The following HS3ST3A1 variants were observed in gnomAD, a reference collection of about 807,000 sequenced individuals.
HS3ST3A1 encodes heparan sulfate glucosamine 3-O-sulfotransferase 3A1.
In HS3ST3A1, 19 loss-of-function variants were observed where a neutral mutation model predicts 25.7. The ratio of observed to expected loss-of-function variants is 0.74; its 90% CI spans 0.52 to 1.08. The LOEUF is 1.08. Among genes scored for constraint, HS3ST3A1 ranks in the 50% least tolerant of loss-of-function variants. The probability of loss-of-function intolerance (pLI) is 0.00; values close to 1 mark genes in which losing one functional copy is unlikely to be tolerated. For missense variants in HS3ST3A1, 459 were observed against 594.3 expected (o/e 0.77, Z 2.37); for synonymous variants, 226 against 278.6 (o/e 0.81, Z 1.88).
intron 1 of HS3ST3A1, among the ~76,000 whole-genome samples, chr17:13,560,185 G>A (rs541253388): frequency 2.7e-5 from 4 of 148,564 alleles, no homozygotes; most frequent in African/African-American, 7.4e-5. Context: ...AGCTACTCGC[G>A]AGGCTGAGGC....
At chr17:13,532,082 G>A (rs976818368) in intron 1 of HS3ST3A1, among the ~76,000 whole-genome samples, 2 of 152,136 alleles carry the variant, frequency 1.3e-5, no homozygotes, top group Non-Finnish European at 2.9e-5. Flanking sequence ...TCAAAATCAA[G>A]GCTCTTTGCA....
intron 1 of HS3ST3A1, among the ~76,000 whole-genome samples, chr17:13,506,507 G>C (rs1905681048): frequency 6.6e-6 from 1 of 152,134 alleles, no homozygotes; most frequent in South Asian, 2.1e-4. Flanking sequence ...ATTACACAGA[G>C]CAATTCTGCA....
intron 1 of HS3ST3A1, among the ~76,000 whole-genome samples, chr17:13,578,026 A>G (rs1163349801): frequency 1.3e-5 from 2 of 152,206 alleles, no homozygotes; most frequent in East Asian, 1.9e-4. Flanking sequence ...AAAAATGCAT[A>G]TATCACTTTA....
At position 13,600,744 on chromosome 17, in the gene HS3ST3A1, G is replaced by A. The variant is rs1908704299; in HGVS notation, c.386C>T (p.Ala129Val). Reference protein sequence around the residue: ...GLSGGPGGSGAGSTVAEAPPG... With the variant: ...GLSGGPGGSGVGSTVAEAPPG... ...CGGGGCCTCGGCCACGGTGCTTCCG[G>A]CCCCGGAGCCGCCCGGACCCCCTGA... is the stretch of plus-strand genomic sequence containing the variant. Residue 129 changes from alanine (A) to valine (V), a missense_variant, in exon 1 of 2, where the codon GCC becomes GTC. Ala to Val is a moderately conservative substitution (Grantham distance 64). Coordinates refer to ENST00000284110, the MANE Select transcript of HS3ST3A1 (RefSeq NM_006042.3). 6 of 1,526,370 alleles carry A rather than the reference G, an allele frequency of 3.9e-6. No individual in the cohort carries two copies. The African/African-American group carries it at 4.2e-5, about 11-fold the overall frequency. 94.6% of individuals were successfully genotyped at this position (1,526,370 alleles called of 1,614,324 possible).
At chr17:13,504,081 G>A (rs191101172) in intron 1 of HS3ST3A1, among the ~76,000 whole-genome samples, 17 of 152,228 alleles carry the variant, frequency 1.1e-4, no homozygotes, top group Middle Eastern at 3.4e-3. Flanking sequence ...TTGGGAGGCC[G>A]CAGTGGGTGG....
chr17:13,578,324 G>T (rs1907999902), intron 1 of HS3ST3A1, among the ~76,000 whole-genome samples: 1 of 149,262 alleles, frequency 6.7e-6, no homozygotes, highest in African/African-American at 2.5e-5. Flanking sequence ...GAGGTGGGCG[G>T]ATCACCTGAG....
intron 1 of HS3ST3A1, among the ~76,000 whole-genome samples, chr17:13,505,663 A>G (rs770157470): frequency 1.3e-5 from 2 of 152,004 alleles, no homozygotes; most frequent in Non-Finnish European, 2.9e-5. Flanking sequence ...AAAAGGCGGA[A>G]AAGAATAAAA....
chr17:13,584,455 A>AAGGG (rs1908195157), intron 1 of HS3ST3A1, among the ~76,000 whole-genome samples: 1 of 142,044 alleles, frequency 7.0e-6, no homozygotes. Context: ...GAGAGAGAGG[A>AAGGG]AGGAAGGAAG....
intron 1 of HS3ST3A1, among the ~76,000 whole-genome samples, chr17:13,510,852 C>T (rs577451306): frequency 1.3e-5 from 2 of 152,242 alleles, no homozygotes; most frequent in Admixed American, 1.3e-4. Flanking sequence ...TTACAGGCAC[C>T]CACCACCATG....
At chr17:13,590,996 A>G (rs1325761322) in intron 1 of HS3ST3A1, among the ~76,000 whole-genome samples, 2 of 151,292 alleles carry the variant, frequency 1.3e-5, no homozygotes, top group East Asian at 3.9e-4. Context: ...CCTTGCTCCA[A>G]TTCCAGATTC....
intron 1 of HS3ST3A1, among the ~76,000 whole-genome samples, chr17:13,500,513 T>A (rs150672170): frequency 6.6e-6 from 1 of 152,112 alleles, no homozygotes; most frequent in Non-Finnish European, 1.5e-5. Context: ...TCACGTGAGG[T>A]TTGCCTGAAG....
intron 1 of HS3ST3A1, among the ~76,000 whole-genome samples, chr17:13,500,414 G>A (rs1905432461): frequency 6.6e-6 from 1 of 152,188 alleles, no homozygotes; most frequent in Admixed American, 6.5e-5. Context: ...GGCCCGGGAT[G>A]GGTAGTGAAA....
chr17:13,585,840 G>GTTCTTTTTTTTTTTTTTTTTTTT (rs1395569900), intron 1 of HS3ST3A1, among the ~76,000 whole-genome samples: 1 of 62,024 alleles, frequency 1.6e-5, no homozygotes. Context: ...CTCCTTCTGC[G>GTTCTTTTTTTTTTTTTTTTTTTT]TTTTTTTTTT....
At chr17:13,511,737 C>T (rs60571298) in intron 1 of HS3ST3A1, among the ~76,000 whole-genome samples, 1 of 150,976 alleles carries the variant, frequency 6.6e-6, no homozygotes, top group African/African-American at 2.4e-5. Flanking sequence ...GAATGGAGAA[C>T]AGTTCTAACT....
chr17:13,600,884 C>T lies in HS3ST3A1; in HGVS notation c.246G>A (p.Pro82=), dbSNP rs1908712689. 6.8e-7 allele frequency: 1 copy of T among 1,475,920 alleles called. No homozygotes were observed. Among genetic ancestry groups the T allele is most frequent in the Non-Finnish European group, 8.9e-7 (1 of 1,120,890 alleles). The allele number at this position is 1,475,920 out of a possible 1,614,324, so 91.4% of individuals were successfully genotyped here. The change falls in exon 1 of 2, where the codon CCG becomes CCA. Residue 82 remains proline, a synonymous_variant. Coordinates refer to ENST00000284110, the MANE Select transcript of HS3ST3A1 (RefSeq NM_006042.3). ...AGGPRELAVW[P]AAAQRKRLLQ... The stretch of plus-strand genomic sequence containing the variant: ...GGAGGCGCTTTCTCTGTGCCGCCGC[C>T]GGCCACACCGCCAGCTCCCTCGGGC...
At chr17:13,590,192 C>T (rs1378769769) in intron 1 of HS3ST3A1, among the ~76,000 whole-genome samples, 1 of 152,132 alleles carries the variant, frequency 6.6e-6, no homozygotes, top group Non-Finnish European at 1.5e-5. Flanking sequence ...AGACCAATCA[C>T]ACTCGATGGG....
intron 1 of HS3ST3A1, among the ~76,000 whole-genome samples, chr17:13,500,635 T>G (rs1331916372): frequency 6.6e-6 from 1 of 152,198 alleles, no homozygotes; most frequent in Non-Finnish European, 1.5e-5. Flanking sequence ...ACCTCCCTTC[T>G]GAATAGTGAA....
At chr17:13,555,774 C>G (rs1469092791) in intron 1 of HS3ST3A1, among the ~76,000 whole-genome samples, 1 of 152,132 alleles carries the variant, frequency 6.6e-6, no homozygotes. Context: ...AAATGAAGCT[C>G]CAGCAGCACC....
At chr17:13,527,697 C>T (rs1478285466) in intron 1 of HS3ST3A1, among the ~76,000 whole-genome samples, 1 of 152,190 alleles carries the variant, frequency 6.6e-6, no homozygotes, top group African/African-American at 2.4e-5. Context: ...AACTCTGCTC[C>T]AATGTATTCC....
Sources: gnomAD v4.1 joint callset for allele counts (sites outside exome capture counted in the v4.1 genomes callset) on GRCh38, gnomAD v4.1.1 for gene constraint, MANE v1.5 for transcripts, NCBI Gene and HGNC (gene_info 2026-07-23, HGNC 2026-07-21) for gene names.